CYRIA: variants seen among roughly 807,000 people sequenced by gnomAD.
The protein encoded by CYRIA is CYFIP-related Rac1 interactor A.
A neutral mutation model predicts 43.9 loss-of-function variants in CYRIA; 15 were observed. The ratio of observed to expected loss-of-function variants is 0.34; its 90% CI spans 0.23 to 0.53. CYRIA has a LOEUF of 0.53. Ranked by LOEUF, CYRIA falls within the 20% of genes least tolerant of loss-of-function variation. The pLI is 0.94. For synonymous variants in CYRIA, 117 were observed against 136.0 expected (o/e 0.86, Z 0.97); for missense variants, 236 against 394.2 (o/e 0.60, Z 3.40).
intron 11 of CYRIA, among the ~76,000 whole-genome samples, chr2:16,554,517 G>A (rs1205067483): frequency 6.6e-6 from 1 of 152,154 alleles, no homozygotes; most frequent in Non-Finnish European, 1.5e-5. Context: ...TCTCAATTCT[G>A]GTAGCTGCAC....
At chr2:16,580,381 C>T (rs1667510604) in intron 3 of CYRIA, among the ~76,000 whole-genome samples, 1 of 151,978 alleles carries the variant, frequency 6.6e-6, no homozygotes, top group East Asian at 1.9e-4. Flanking sequence ...AAACACTAAC[C>T]ATAAAAAAGC....
intron 10 of CYRIA, among the ~76,000 whole-genome samples, chr2:16,557,677 A>G (rs1310319385): frequency 6.6e-6 from 1 of 152,200 alleles, no homozygotes; most frequent in African/African-American, 2.4e-5. Context: ...AGCAAACTTC[A>G]TCAAGACTAT....
At chr2:16,660,256 C>G (rs1670213222) in intron 1 of CYRIA, among the ~76,000 whole-genome samples, 1 of 152,208 alleles carries the variant, frequency 6.6e-6, no homozygotes, top group Non-Finnish European at 1.5e-5. Flanking sequence ...AACTGAAGCA[C>G]AGAGATCTGC....
At chr2:16,643,306 A>G (rs1399308388) in intron 1 of CYRIA, among the ~76,000 whole-genome samples, 1 of 152,186 alleles carries the variant, frequency 6.6e-6, no homozygotes, top group African/African-American at 2.4e-5. Flanking sequence ...ATTGAGCCAC[A>G]GAGAAAGGCA....
chr2:16,575,167 C>T (rs1037197274), intron 3 of CYRIA, among the ~76,000 whole-genome samples: 2 of 152,092 alleles, frequency 1.3e-5, no homozygotes, highest in African/African-American at 4.8e-5. Context: ...CCAATTTCTC[C>T]CATTTGGAAC....
At chr2:16,644,515 G>A (rs10210448) in intron 1 of CYRIA, among the ~76,000 whole-genome samples, 14,716 of 152,228 alleles carry the variant, frequency 0.097, 1,775 homozygotes, top group African/African-American at 0.28. Flanking sequence ...ACACTGTCCA[G>A]CTGGCATCTG....
rs371498691 is a variant in CYRIA at position 16,561,073 on chromosome 2, A to T, written c.631-4T>A. 8.6e-5 allele frequency: 139 copies of T among 1,613,450 alleles called. No individual in the cohort carries two copies. The highest frequency in any genetic ancestry group is 1.1e-4 in the Non-Finnish European group (135 of 1,179,654). The stretch of plus-strand genomic sequence containing the variant: ...TCTCTATTGGCAGAGTTTTGTTCTA[A>T]ATGGGAGACACAAATGTACATTAGT... On this transcript the variant is annotated splice_polypyrimidine_tract_variant and splice_region_variant and intron_variant, in intron 8 of 11. Coordinates refer to ENST00000381323, the MANE Select transcript of CYRIA (RefSeq NM_030797.4).
At chr2:16,651,675 A>G (rs549799049) in intron 1 of CYRIA, among the ~76,000 whole-genome samples, 1 of 152,336 alleles carries the variant, frequency 6.6e-6, no homozygotes, top group East Asian at 1.9e-4. Context: ...GATTAGCTCC[A>G]CTGGAGGATG....
intron 1 of CYRIA, among the ~76,000 whole-genome samples, chr2:16,646,560 T>C (rs1202449991): frequency 6.6e-6 from 1 of 152,224 alleles, no homozygotes; most frequent in Non-Finnish European, 1.5e-5. Context: ...GGGAGCCTCC[T>C]TGTTGCGACT....
intron 10 of CYRIA, among the ~76,000 whole-genome samples, chr2:16,557,445 T>C (rs1159005994): frequency 2.6e-5 from 4 of 152,102 alleles, no homozygotes; most frequent in African/African-American, 9.7e-5. Context: ...CCTGGGGTTT[T>C]CACAGTTGAT....
At chr2:16,567,959 G>A (rs989251801) in intron 3 of CYRIA, among the ~76,000 whole-genome samples, 2 of 152,088 alleles carry the variant, frequency 1.3e-5, no homozygotes, top group Non-Finnish European at 2.9e-5. Context: ...ACAAAGGCTT[G>A]GCAGCTGGAG....
chr2:16,631,282 A>G (rs1371368591), intron 1 of CYRIA, among the ~76,000 whole-genome samples: 1 of 152,252 alleles, frequency 6.6e-6, no homozygotes, highest in East Asian at 1.9e-4. Context: ...ACTAGCCCAG[A>G]GCCCTGCACA....
intron 2 of CYRIA, among the ~76,000 whole-genome samples, chr2:16,613,216 A>ATGCATTTTCAGGAG (rs1483488735): frequency 2.0e-5 from 3 of 152,230 alleles, no homozygotes; most frequent in Non-Finnish European, 1.5e-5. Context: ...GGAGACTTCC[A>ATGCATTTTCAGGAG]TGCATTTTCA....
intron 1 of CYRIA, among the ~76,000 whole-genome samples, chr2:16,642,697 G>A (rs746179800): frequency 1.7e-4 from 26 of 152,164 alleles, no homozygotes; most frequent in Non-Finnish European, 3.4e-4. Context: ...GTTCTATCAG[G>A]TCCATCACAT....
chr2:16,578,177 G>A (rs1315283949), intron 3 of CYRIA, among the ~76,000 whole-genome samples: 1 of 152,162 alleles, frequency 6.6e-6, no homozygotes, highest in Non-Finnish European at 1.5e-5. Context: ...CCTCAAATCT[G>A]AAATTTACAG....
chr2:16,631,768 G>A (rs1005124793), intron 1 of CYRIA, among the ~76,000 whole-genome samples: 28 of 152,154 alleles, frequency 1.8e-4, no homozygotes, highest in Admixed American at 6.5e-4. Context: ...CAGATGTAAC[G>A]GTATGTTACA....
At chr2:16,616,061 C>A (rs896062350) in intron 2 of CYRIA, among the ~76,000 whole-genome samples, 4 of 152,202 alleles carry the variant, frequency 2.6e-5, no homozygotes, top group African/African-American at 9.7e-5. Context: ...GGAGAACAAG[C>A]CAGTCTTTGT....
chr2:16,586,156 T>C (rs2044974126), intron 3 of CYRIA, among the ~76,000 whole-genome samples: 1 of 151,986 alleles, frequency 6.6e-6, no homozygotes, highest in South Asian at 2.1e-4. Context: ...AGCACGTTAG[T>C]CTCCTACTCC....
chr2:16,581,685 A>G (rs538999635), intron 3 of CYRIA, among the ~76,000 whole-genome samples: 1 of 152,298 alleles, frequency 6.6e-6, no homozygotes, highest in East Asian at 1.9e-4. Flanking sequence ...GAACTACTCT[A>G]TCACCGAGGA....
Sources: gnomAD v4.1 joint callset for allele counts (sites outside exome capture counted in the v4.1 genomes callset) on GRCh38, gnomAD v4.1.1 for gene constraint, MANE v1.5 for transcripts, NCBI Gene and HGNC (gene_info 2026-07-23, HGNC 2026-07-21) for gene names.